COL18A1: variants seen among roughly 807,000 people sequenced by gnomAD.
COL18A1 encodes collagen type XVIII alpha 1 chain, also known as collagen alpha-1(XVIII) chain.
COL18A1 carries 133 observed loss-of-function variants against 168.0 expected under a neutral mutation model. The observed-to-expected ratio is 0.79, with a 90% CI of 0.69 to 0.91. The LOEUF is 0.91. Among genes scored for constraint, COL18A1 ranks in the 40% least tolerant of loss-of-function variants. The pLI, the probability that COL18A1 is intolerant of heterozygous loss-of-function variation, is 0.00. For missense variants in COL18A1, 2,126 were observed against 1,925.4 expected (o/e 1.10, Z -1.95); for synonymous variants, 949 against 809.0 (o/e 1.17, Z -2.94).
chr21:45,416,760 G>T (rs76589614), intron 2 of COL18A1, among the ~76,000 whole-genome samples: 9,114 of 152,202 alleles, frequency 0.06, 535 homozygotes, highest in African/African-American at 0.15. Flanking sequence ...TCTCCCACTT[G>T]ATTGGAAGCA....
chr21:45,513,247 A>T lies in COL18A1; in HGVS notation c.*849A>T, dbSNP rs17255379. The T allele has an allele frequency of 6.7e-3, 1,017 of 152,426 alleles. 4 individuals carry two copies. Among genetic ancestry groups the T allele is most frequent in the Middle Eastern group, 0.02 (6 of 294 alleles). 9.4% of individuals were successfully genotyped at this position (152,426 alleles called of 1,614,324 possible). On this transcript the variant is annotated 3_prime_UTR_variant, in exon 42 of 42. Coordinates refer to ENST00000651438, the MANE Select transcript of COL18A1 (RefSeq NM_001379500.1). The stretch of plus-strand genomic sequence containing the variant: ...GGCTCAGCCAGCACTTGTCCAGCTG[A>T]GCGCCAGGATGGAACACGGCCACAT...
intron 15 of COL18A1, among the ~76,000 whole-genome samples, chr21:45,486,154 T>G (rs1206672160): frequency 1.3e-5 from 2 of 152,194 alleles, no homozygotes; most frequent in African/African-American, 4.8e-5. Context: ...CGCCTGCTTC[T>G]CACGGCTTTC....
At chr21:45,453,052 AT>A (rs2034680471) in intron 2 of COL18A1, among the ~76,000 whole-genome samples, 1 of 151,932 alleles carries the variant, frequency 6.6e-6, no homozygotes, top group East Asian at 1.9e-4. Context: ...GTAAGCATGT[AT>A]GTACATGTGT....
chr21:45,460,399 G>C (rs1462039135), intron 2 of COL18A1, among the ~76,000 whole-genome samples: 1 of 152,198 alleles, frequency 6.6e-6, no homozygotes, highest in Non-Finnish European at 1.5e-5. Flanking sequence ...CACGAGTCCC[G>C]TGATCTTGGA....
Position 45,486,918 on chromosome 21 carries a change from G to C in COL18A1, c.1759G>C (p.Ala587Pro), listed in dbSNP as rs560016001. 5.9e-5 allele frequency: 90 copies of C among 1,520,550 alleles called. 2 individuals carry two copies. In the South Asian group the frequency reaches 8.8e-4, roughly 15 times the overall value. The allele number at this position is 1,520,550 out of a possible 1,614,324, so 94.2% of individuals were successfully genotyped here. Residue 587 changes from alanine to proline, a missense_variant, in exon 16 of 42, where the codon GCC (alanine) becomes CCC (proline). Ala to Pro is a conservative substitution (Grantham distance 27, BLOSUM62 -1). Transcript: ENST00000651438. ...TCGTGGGGAGAGCGGCCTGGCAGGA[G>C]CCCCCGGACCTGCTGGACCACCAGG... ...GARGESGLAG[A>P]PGPAGPPGPP...
intron 26 of COL18A1, chr21:45,494,250 C>T: frequency 2.1e-6 from 1 of 481,272 alleles, no homozygotes. Context: ...ACATGCCCTC[C>T]ACCCTCCACC....
chr21:45,470,492 G>GTTTTT (rs71185152), intron 3 of COL18A1, among the ~76,000 whole-genome samples: 3 of 40,820 alleles, frequency 7.3e-5, no homozygotes, highest in African/African-American at 3.5e-4. Context: ...TTTTTTTTTT[G>GTTTTT]TTTTTTTTTT....
intron 9 of COL18A1, among the ~76,000 whole-genome samples, chr21:45,479,318 C>G (rs1323230565): frequency 1.3e-5 from 2 of 151,690 alleles, no homozygotes; most frequent in Non-Finnish European, 2.9e-5. Flanking sequence ...ACACATTACA[C>G]CACACGTGGA....
At chr21:45,510,477 A>G (rs1170147738) in intron 40 of COL18A1, among the ~76,000 whole-genome samples, 1 of 151,966 alleles carries the variant, frequency 6.6e-6, no homozygotes, top group Non-Finnish European at 1.5e-5. Flanking sequence ...CACGTCCCCC[A>G]GGGCATCCCA....
chr21:45,467,066 G>A (rs2035237626), intron 2 of COL18A1, among the ~76,000 whole-genome samples: 1 of 152,272 alleles, frequency 6.6e-6, no homozygotes, highest in African/African-American at 2.4e-5. Context: ...CCAGAGCCCA[G>A]GCTCAGCCCG....
At chr21:45,486,400 TG>T (rs1182377596) in intron 15 of COL18A1, among the ~76,000 whole-genome samples, 12 of 99,668 alleles carry the variant, frequency 1.2e-4, no homozygotes, top group South Asian at 3.4e-4. Context: ...TCCCCTCGCC[TG>T]CCCGGGAGCC....
intron 21 of COL18A1, 104 bp from the exon 22 acceptor site, chr21:45,491,121 C>A: frequency 1.9e-6 from 2 of 1,078,850 alleles, no homozygotes; most frequent in East Asian, 2.4e-5. Flanking sequence ...GGCGCCTCCT[C>A]ACCCACCGTG....
chr21:45,470,380 G>C (rs2035365949), intron 3 of COL18A1, among the ~76,000 whole-genome samples: 1 of 141,670 alleles, frequency 7.1e-6, no homozygotes, highest in Non-Finnish European at 1.5e-5. Flanking sequence ...GGTTTTGCAT[G>C]CTGCAGATTT....
intron 16 of COL18A1, 62 bp from the exon 17 acceptor site, chr21:45,487,385 A>G (rs1452496896): frequency 1.6e-5 from 25 of 1,584,438 alleles, no homozygotes; most frequent in Admixed American, 1.7e-5. Flanking sequence ...GTGCCACCCC[A>G]GGGAGGGGTC....
chr21:45,438,237 G>A lies in COL18A1; in HGVS notation c.107-30005G>A, dbSNP rs1251334950. ...ACACACTCACACACTCAGACACACA[G>A]GCACTCTCCTGCACACACACACACT... On this transcript the variant is annotated intron_variant, in intron 2 of 41. Coordinates refer to ENST00000651438, the MANE Select transcript of COL18A1 (RefSeq NM_001379500.1). 1.1e-4 allele frequency among the ~76,000 whole-genome samples: 6 copies of A among 56,190 alleles called. 1 individual carries two copies. Among genetic ancestry groups the A allele is most frequent in the African/African-American group, 2.7e-4 (3 of 11,230 alleles). 36.9% of individuals were successfully genotyped at this position (56,190 alleles called of 152,430 possible).
intron 20 of COL18A1, 46 bp downstream of exon 20, chr21:45,490,392 C>T: frequency 7.1e-7 from 1 of 1,403,428 alleles, no homozygotes; most frequent in Non-Finnish European, 9.7e-7. Flanking sequence ...GCGTGGAGCC[C>T]TGAAGGGACT....
Position 45,443,322 on chromosome 21 carries a change from C to A in COL18A1, c.107-24920C>A, listed in dbSNP as rs1356901248. Among the ~76,000 whole-genome samples, 1 of 152,180 alleles carries A rather than the reference C, an allele frequency of 6.6e-6. No homozygotes were observed. Among genetic ancestry groups the A allele is most frequent in the Non-Finnish European group, 1.5e-5 (1 of 68,018 alleles). On this transcript the variant is annotated intron_variant, in intron 2 of 41. Transcript: ENST00000651438. This position sits in a 1 kb window ranked among gnomAD's most constrained non-coding sequence, Gnocchi z 5.2. Reference sequence around the variant, plus strand: ...CCCCATGGGAACCTGGCTGTGTGAGCCTGCCCTGGGGCCTTCCATGAGAAA... The same window carrying A: ...CCCCATGGGAACCTGGCTGTGTGAGACTGCCCTGGGGCCTTCCATGAGAAA...
At chr21:45,478,169 G>A in intron 8 of COL18A1, 158 bp from the exon 9 acceptor site, 1 of 937,260 alleles carries the variant, frequency 1.1e-6, no homozygotes, top group Non-Finnish European at 1.7e-6. Context: ...CAGCCCTTGT[G>A]GGTGTGAGGA....
intron 26 of COL18A1, 97 bp downstream of exon 26, chr21:45,493,672 C>A: frequency 1.1e-6 from 1 of 889,666 alleles, no homozygotes; most frequent in Non-Finnish European, 1.8e-6. Context: ...GCTCCTGATG[C>A]ACGAGCCTCT....
Sources: allele counts gnomAD v4.1 joint callset (sites outside exome capture counted in the v4.1 genomes callset), GRCh38; gene constraint gnomAD v4.1.1; non-coding constraint Gnocchi (gnomAD v3.1); transcripts MANE v1.5; gene names NCBI Gene and HGNC (gene_info 2026-07-23, HGNC 2026-07-21).